Variants in SENP7 observed in about 807,000 individuals in gnomAD.
The protein encoded by SENP7 is sentrin-specific protease 7.
A neutral mutation model predicts 141.2 loss-of-function variants in SENP7; 64 were observed. The ratio of observed to expected loss-of-function variants is 0.45; its 90% confidence interval spans 0.37 to 0.56. The LOEUF (loss-of-function observed/expected upper bound fraction) is 0.56, where lower values mean the gene tolerates loss of function less well. SENP7 is among the 20% of genes least tolerant of loss of function. The probability of loss-of-function intolerance (pLI) is 0.00; values close to 1 mark genes in which losing one functional copy is unlikely to be tolerated. For missense variants in SENP7, 1,025 were observed against 1,212.2 expected (o/e 0.85, Z 2.29); for synonymous variants, 382 against 426.4 (o/e 0.90, Z 1.28).
chr3:101,492,787 C>T (rs2065015972), intron 3 of SENP7, among the ~76,000 whole-genome samples: 2 of 152,030 alleles, frequency 1.3e-5, no homozygotes, highest in African/African-American at 4.8e-5. Context: ...TTCTTAAGGC[C>T]AGAAGTTCAA....
At chr3:101,492,644 T>C (rs2065011696) in intron 3 of SENP7, among the ~76,000 whole-genome samples, 1 of 151,986 alleles carries the variant, frequency 6.6e-6, no homozygotes, top group African/African-American at 2.4e-5. Context: ...GAAAAAGCCA[T>C]CTGCAATCCA....
intron 1 of SENP7, among the ~76,000 whole-genome samples, chr3:101,510,773 A>T (rs2108219829): frequency 6.9e-6 from 1 of 144,694 alleles, no homozygotes; most frequent in South Asian, 2.2e-4. Context: ...GAATCGCTTG[A>T]ACCTGGGAGG....
intron 9 of SENP7, among the ~76,000 whole-genome samples, chr3:101,365,413 A>G (rs977194984): frequency 6.6e-6 from 1 of 151,066 alleles, no homozygotes; most frequent in African/African-American, 2.4e-5. Context: ...AGGTGGGTAG[A>G]TTCCCTGAGG....
At chr3:101,460,443 G>C (rs1366795243) in intron 3 of SENP7, among the ~76,000 whole-genome samples, 1 of 152,150 alleles carries the variant, frequency 6.6e-6, no homozygotes, top group Non-Finnish European at 1.5e-5. Flanking sequence ...CCATTCATGA[G>C]AGAAAAATAA....
At chr3:101,507,425 C>G (rs2065666367) in intron 1 of SENP7, among the ~76,000 whole-genome samples, 2 of 152,150 alleles carry the variant, frequency 1.3e-5, no homozygotes, top group East Asian at 3.9e-4. Context: ...ATTATCACAC[C>G]TCATATAATT....
At chr3:101,407,852 T>C (rs1229657877) in intron 5 of SENP7, among the ~76,000 whole-genome samples, 3 of 151,786 alleles carry the variant, frequency 2.0e-5, no homozygotes, top group East Asian at 1.9e-4. Context: ...GCACAGACAA[T>C]CTAAGGTCAC....
rs376592228 is a variant in SENP7 at position 101,431,842 on chromosome 3, T to C, written c.285-14052A>G. ...GACTCTACCTTTCCAGCACATGCAT[T>C]TGTTACTTGACAACTGGCCAAATAC... is the stretch of plus-strand genomic sequence containing the variant. On this transcript the variant is annotated intron_variant, in intron 4 of 23. Transcript: ENST00000394095. Among the ~76,000 whole-genome samples the C allele has an allele frequency of 8.3e-4, 125 of 151,002 alleles. 3 individuals carry two copies. In the South Asian group the frequency reaches 0.025, roughly 31 times the overall value.
chr3:101,374,418 C>T (rs1048147157), intron 6 of SENP7, among the ~76,000 whole-genome samples: 11 of 152,046 alleles, frequency 7.2e-5, no homozygotes, highest in African/African-American at 2.7e-4. Flanking sequence ...GATATAACAA[C>T]AAAAACACAG....
chr3:101,467,091 A>C (rs1291865436), intron 3 of SENP7, among the ~76,000 whole-genome samples: 1 of 152,164 alleles, frequency 6.6e-6, no homozygotes, highest in Non-Finnish European at 1.5e-5. Context: ...CTAGCACAGC[A>C]CTCTGAGATC....
chr3:101,383,108 G>A (rs768069150), intron 6 of SENP7, among the ~76,000 whole-genome samples: 106 of 152,200 alleles, frequency 7.0e-4, no homozygotes, highest in Non-Finnish European at 4.3e-4. Flanking sequence ...CCATGCTAGA[G>A]GTGAGGCCTG....
chr3:101,421,877 T>C (rs2061800630), intron 4 of SENP7, among the ~76,000 whole-genome samples: 1 of 152,146 alleles, frequency 6.6e-6, no homozygotes, highest in South Asian at 2.1e-4. Context: ...AAAACCTAAA[T>C]TTAGTATTTA....
At chr3:101,497,744 CTAAATAAA>C (rs763890389) in intron 2 of SENP7, among the ~76,000 whole-genome samples, 11 of 152,260 alleles carry the variant, frequency 7.2e-5, no homozygotes, top group Non-Finnish European at 1.6e-4. Context: ...AGGAGGATCT[CTAAATAAA>C]TAAATAAGTA....
chr3:101,408,882 T>G (rs2061377381), intron 5 of SENP7, among the ~76,000 whole-genome samples: 1 of 152,134 alleles, frequency 6.6e-6, no homozygotes, highest in Admixed American at 6.5e-5. Context: ...AAGACAAGGA[T>G]GCCCACTCTC....
intron 5 of SENP7, among the ~76,000 whole-genome samples, chr3:101,412,361 T>A (rs1261497895): frequency 6.6e-6 from 1 of 152,072 alleles, no homozygotes; most frequent in Non-Finnish European, 1.5e-5. Flanking sequence ...GTATAAAAAA[T>A]TTAATCTTTG....
chr3:101,449,869 T>A (rs1245924558), intron 4 of SENP7, among the ~76,000 whole-genome samples: 1 of 152,088 alleles, frequency 6.6e-6, no homozygotes, highest in African/African-American at 2.4e-5. Flanking sequence ...CATAACAATA[T>A]TAACCTTAAA....
rs755371036 is a variant in SENP7 at position 101,417,744 on chromosome 3, G to A, written c.331C>T (p.Arg111Ter). 7 of 1,613,720 alleles carry A rather than the reference G, an allele frequency of 4.3e-6. No individual in the cohort carries two copies. Among genetic ancestry groups the A allele is most frequent in the Non-Finnish European group, 5.1e-6 (6 of 1,179,846 alleles). ...CTAGGTAGGGTCTTTCTGAATTTTC[G>A]TCCTAAATCCGTCCATAGGACATTC... ...LTNVLWTDLGRKFRKTLPRND... is the reference protein window; with the variant it reads ...LTNVLWTDLG Residue 111 changes from arginine (R) to a stop codon, truncating the protein, a stop_gained, in exon 5 of 24, where the codon CGA (arginine) becomes TGA (stop). Coordinates refer to ENST00000394095, the MANE Select transcript of SENP7 (RefSeq NM_020654.5). LOFTEE classifies it high-confidence loss of function.
At chr3:101,448,693 C>G (rs1165890296) in intron 4 of SENP7, among the ~76,000 whole-genome samples, 1 of 152,136 alleles carries the variant, frequency 6.6e-6, no homozygotes, top group Non-Finnish European at 1.5e-5. Context: ...AACTAACAAA[C>G]AGAAAGGACA....
chr3:101,464,595 G>T (rs1481781674), intron 3 of SENP7, among the ~76,000 whole-genome samples: 1 of 151,958 alleles, frequency 6.6e-6, no homozygotes. Flanking sequence ...CCTCCAGATG[G>T]GATCATCTAG....
intron 6 of SENP7, among the ~76,000 whole-genome samples, chr3:101,390,674 C>A (rs766476383): frequency 2.6e-5 from 4 of 152,160 alleles, no homozygotes; most frequent in Non-Finnish European, 5.9e-5. Context: ...ACACCCTACT[C>A]TCAGCAGTGG....
Sources: allele counts gnomAD v4.1 joint callset (sites outside exome capture counted in the v4.1 genomes callset), GRCh38; gene constraint gnomAD v4.1.1; transcripts MANE v1.5; gene names NCBI Gene and HGNC (gene_info 2026-07-23, HGNC 2026-07-21).